Variants in AHCY observed in about 807,000 individuals in gnomAD.
The protein encoded by AHCY is adenosylhomocysteinase, also known as S-adenosyl-L-homocysteine hydrolase.
A neutral mutation model predicts 45.4 loss-of-function variants in AHCY; 24 were observed. The ratio of observed to expected loss-of-function variants is 0.53; its 90% CI spans 0.38 to 0.74. The LOEUF is 0.74. AHCY is among the 30% of genes least tolerant of loss of function. AHCY has a pLI of 0.00. For missense variants in AHCY, 449 were observed against 594.1 expected (o/e 0.76, Z 2.54); for synonymous variants, 245 against 235.1 (o/e 1.04, Z -0.39).
At chr20:34,234,267 ATCTGCCAG>A in the AHCY span, among the ~76,000 whole-genome samples, 2 of 152,216 alleles carry the variant, frequency 1.3e-5, no homozygotes, top group Non-Finnish European at 2.9e-5. Flanking sequence ...AGTGCCTTTA[ATCTGCCAG>A]TCTGTAATCT....
Position 34,292,419 on chromosome 20 carries a change from A to G in AHCY, c.384T>C (p.Ile128=). The change falls in exon 4 of 10, where the codon ATT becomes ATC. Residue 128 remains isoleucine (I), a synonymous_variant. Coordinates refer to ENST00000217426, the MANE Select transcript of AHCY (RefSeq NM_000687.4). The part of the protein sequence containing the change: ...LYFKDGPLNM[I]LDDGGDLTNL... ...TGGTGAGGTCGCCCCCGTCGTCCAG[A>G]ATCATGTTGAGGGGCCCGTCCTTGA... 1.2e-6 allele frequency: 2 copies of G among 1,613,958 alleles called. No homozygotes were observed. Among genetic ancestry groups the G allele is most frequent in the Non-Finnish European group, 1.7e-6 (2 of 1,180,034 alleles).
upstream of AHCY, among the ~76,000 whole-genome samples, chr20:34,304,879 G>A (rs1394639619): frequency 6.6e-6 from 1 of 151,624 alleles, no homozygotes; most frequent in Non-Finnish European, 1.5e-5. Flanking sequence ...GTAGAGACGG[G>A]GTTTCTCCAT....
the AHCY span, among the ~76,000 whole-genome samples, chr20:34,240,723 A>T: frequency 6.6e-6 from 1 of 152,178 alleles, no homozygotes; most frequent in African/African-American, 2.4e-5. Flanking sequence ...AGGTTAACTC[A>T]ATTAGACTGT....
intron 1 of AHCY, 44 bp downstream of exon 1, chr20:34,303,199 C>A (rs1419536388): frequency 4.5e-6 from 7 of 1,550,526 alleles, no homozygotes; most frequent in Non-Finnish European, 6.1e-6. Context: ...AAGCCCCGGG[C>A]GGGTGCCGGG....
the AHCY span, among the ~76,000 whole-genome samples, chr20:34,267,643 T>C: frequency 1.3e-5 from 2 of 152,066 alleles, no homozygotes; most frequent in African/African-American, 4.8e-5. Flanking sequence ...ACAATTCTCC[T>C]GCCTCAGCCT....
At chr20:34,253,493 G>C in the AHCY span, among the ~76,000 whole-genome samples, 1 of 148,170 alleles carries the variant, frequency 6.7e-6, no homozygotes, top group Non-Finnish European at 1.5e-5. Context: ...ATTTTTTAGA[G>C]ACAGAGTCTT....
intron 1 of AHCY, chr20:34,303,005 G>C (rs889693006): frequency 2.0e-5 from 20 of 985,352 alleles, no homozygotes; most frequent in Non-Finnish European, 2.4e-5. Flanking sequence ...CGCAGACCGC[G>C]CGGCGGCCCC....
the AHCY span, among the ~76,000 whole-genome samples, chr20:34,252,929 A>T: frequency 6.6e-6 from 1 of 152,188 alleles, no homozygotes. Context: ...GCACAGCCCT[A>T]AATCCATTAA....
the AHCY span, among the ~76,000 whole-genome samples, chr20:34,244,745 AG>A: frequency 6.6e-6 from 1 of 152,214 alleles, no homozygotes; most frequent in Non-Finnish European, 1.5e-5. Context: ...CATGGTTTTA[AG>A]GCTTTTAGCA....
At chr20:34,261,016 A>G in the AHCY span, among the ~76,000 whole-genome samples, 82 of 152,350 alleles carry the variant, frequency 5.4e-4, no homozygotes, top group African/African-American at 1.7e-3. Context: ...TGTGGTAGGC[A>G]CTGTGAGGTG....
In AHCY at chr20:34,303,318, T is replaced by C. The variant is rs376597030; in HGVS notation, c.-48A>G. On this transcript the variant is annotated 5_prime_UTR_variant, in exon 1 of 10. Coordinates refer to ENST00000217426, the MANE Select transcript of AHCY (RefSeq NM_000687.4). The stretch of plus-strand genomic sequence containing the variant: ...ACGGGCGAAGGGGGCTGGGCCTCAG[T>C]CTGGGAACAGGAACTGGGCGGGCAG... 3.5e-5 allele frequency: 55 copies of C among 1,551,462 alleles called. No individual in the cohort carries two copies. Among genetic ancestry groups the C allele is most frequent in the Non-Finnish European group, 4.4e-5 (51 of 1,146,886 alleles).
chr20:34,264,679 T>C, the AHCY span, among the ~76,000 whole-genome samples: 9 of 152,156 alleles, frequency 5.9e-5, no homozygotes, highest in African/African-American at 2.2e-4. Flanking sequence ...ACGGTATCAA[T>C]AAATACAGTA....
Position 34,290,242 on chromosome 20 carries a change from G to T in AHCY, c.972+90C>A, listed in dbSNP as rs2036328729. 8.0e-7 allele frequency: 1 copy of T among 1,252,814 alleles called. No homozygotes were observed. 77.6% of individuals were successfully genotyped at this position (1,252,814 alleles called of 1,614,324 possible). On this transcript the variant is annotated intron_variant, in intron 8 of 9. Coordinates refer to ENST00000217426, the MANE Select transcript of AHCY (RefSeq NM_000687.4). This position sits in a 1 kb window ranked among gnomAD's most constrained non-coding sequence, Gnocchi z 4.5. ...TTCTCCCCATCCCCCTGCACAGGTT[G>T]CCACCATCTCCTCAGCTCTCCTCCC...
chr20:34,302,609 G>A, intron 1 of AHCY: 1 of 985,432 alleles, frequency 1.0e-6, no homozygotes, highest in Non-Finnish European at 1.2e-6. Flanking sequence ...AACTATCCCT[G>A]TATTACACTT....
intron 9 of AHCY, among the ~76,000 whole-genome samples, chr20:34,284,753 G>A (rs1315871321): frequency 6.6e-6 from 1 of 152,164 alleles, no homozygotes; most frequent in Non-Finnish European, 1.5e-5. Flanking sequence ...AACCCGGCAG[G>A]TGGAGGTTGC....
In AHCY at chr20:34,295,476, C is replaced by A. The variant is rs1568806145; in HGVS notation, c.138G>T (p.Lys46Asn). The A allele has an allele frequency of 6.2e-7, 1 of 1,614,098 alleles. No individual in the cohort carries two copies. Among genetic ancestry groups the A allele is most frequent in the Non-Finnish European group, 8.5e-7 (1 of 1,180,032 alleles). Residue 46 changes from lysine (K) to asparagine (N), a missense_variant, in exon 2 of 10, where the codon AAG becomes AAT. Transcript: ENST00000217426. ...GCAGGCAGCCAGCGATGCGGGCGCC[C>A]TTCAGTGGCTTGGAGGCCGAGTACC... is the stretch of plus-strand genomic sequence containing the variant. ...RERYSASKPL[K>N]GARIAGCLHM...
At chr20:34,270,539 CA>C in the AHCY span, among the ~76,000 whole-genome samples, 3 of 152,216 alleles carry the variant, frequency 2.0e-5, no homozygotes, top group Non-Finnish European at 4.4e-5. Context: ...ATTTGGCCCC[CA>C]GGGGTGAGGC....
At chr20:34,298,427 G>T (rs555495467) in intron 1 of AHCY, among the ~76,000 whole-genome samples, 1 of 152,092 alleles carries the variant, frequency 6.6e-6, no homozygotes, top group Admixed American at 6.6e-5. Context: ...GGTGTGACCA[G>T]AAGACAAGAG....
At chr20:34,265,597 G>A in the AHCY span, among the ~76,000 whole-genome samples, 1 of 152,038 alleles carries the variant, frequency 6.6e-6, no homozygotes. Context: ...AGGGTCAACT[G>A]TATATAATTA....
Sources: gnomAD v4.1 joint callset for allele counts (sites outside exome capture counted in the v4.1 genomes callset) on GRCh38, gnomAD v4.1.1 for gene constraint, Gnocchi (gnomAD v3.1) non-coding constraint, MANE v1.5 for transcripts, NCBI Gene and HGNC (gene_info 2026-07-23, HGNC 2026-07-21) for gene names.